Variants in WHRN observed in about 807,000 individuals in gnomAD.
The protein encoded by WHRN is CASK-interacting protein CIP98.
Under a neutral mutation model 68.3 loss-of-function variants are expected in WHRN, and 41 were observed. The observed-to-expected ratio is 0.60, with a 90% CI of 0.47 to 0.78. The LOEUF (loss-of-function observed/expected upper bound fraction) is 0.78. Among genes scored for constraint, WHRN ranks in the 30% least tolerant of loss-of-function variants. The pLI, the probability that WHRN is intolerant of heterozygous loss-of-function variation, is 0.00. For missense variants in WHRN, 1,243 were observed against 1,244.7 expected (o/e 1.00, Z 0.02); for synonymous variants, 560 against 561.3 (o/e 1.00, Z 0.03).
intron 3 of WHRN, among the ~76,000 whole-genome samples, chr9:114,451,383 C>T (rs1243402609): frequency 1.3e-5 from 2 of 152,138 alleles, no homozygotes; most frequent in Non-Finnish European, 1.5e-5. Context: ...GTGAAATAGG[C>T]ATGATGAAAC....
At chr9:114,499,216 G>A (rs1843716914) in intron 1 of WHRN, among the ~76,000 whole-genome samples, 3 of 152,156 alleles carry the variant, frequency 2.0e-5, no homozygotes, top group Admixed American at 2.0e-4. Flanking sequence ...AAAAAGAATG[G>A]AGAGAAAGTG....
intron 1 of WHRN, among the ~76,000 whole-genome samples, chr9:114,489,141 A>C (rs539502693): frequency 6.6e-6 from 1 of 152,276 alleles, no homozygotes; most frequent in African/African-American, 2.4e-5. Context: ...TTACTTATGC[A>C]AATGATTATT....
chr9:114,440,907 C>T (rs898654866), intron 3 of WHRN, among the ~76,000 whole-genome samples: 1 of 152,132 alleles, frequency 6.6e-6, no homozygotes, highest in Non-Finnish European at 1.5e-5. Context: ...ACCATAGGAT[C>T]CCTATGAAGT....
chr9:114,490,353 T>C (rs562113769), intron 1 of WHRN, among the ~76,000 whole-genome samples: 8 of 152,310 alleles, frequency 5.3e-5, no homozygotes, highest in East Asian at 1.9e-4. Context: ...CAGAGAAATG[T>C]ATGATGTCCA....
chr9:114,413,945 A>C (rs1305347273), intron 7 of WHRN, among the ~76,000 whole-genome samples: 1 of 145,182 alleles, frequency 6.9e-6, no homozygotes, highest in Non-Finnish European at 1.6e-5. Context: ...TAAGAAAAGG[A>C]CGTCAGTGGA....
chr9:114,429,924 A>T (rs1837261033), intron 3 of WHRN, among the ~76,000 whole-genome samples: 2 of 152,120 alleles, frequency 1.3e-5, no homozygotes, highest in Non-Finnish European at 2.9e-5. Context: ...TCCATCTCTC[A>T]TCTCTGCTGG....
intron 7 of WHRN, among the ~76,000 whole-genome samples, chr9:114,422,239 A>G (rs1466736043): frequency 6.6e-6 from 1 of 152,220 alleles, no homozygotes; most frequent in Admixed American, 6.5e-5. Flanking sequence ...CGCCTGCTTA[A>G]GAAACATTAC....
At chr9:114,447,396 T>C (rs1483895705) in intron 3 of WHRN, among the ~76,000 whole-genome samples, 1 of 152,128 alleles carries the variant, frequency 6.6e-6, no homozygotes, top group Admixed American at 6.5e-5. Flanking sequence ...TACCACAGGG[T>C]TGCTGTGAGG....
chr9:114,462,502 G>A (rs1840328101), intron 3 of WHRN, among the ~76,000 whole-genome samples: 1 of 152,188 alleles, frequency 6.6e-6, no homozygotes, highest in South Asian at 2.1e-4. Context: ...CAGGGCTCCA[G>A]TCCTTCCCTG....
Position 114,412,101 on chromosome 9 carries a change from G to C in WHRN, c.1627-4083C>G, listed in dbSNP as rs377246593. Reference sequence around the variant, plus strand: ...TCCAGCCCTGTCAGGGAGGCCTGAAGTGGAGCAAATGGCAGACGGGTCGGA... The same window carrying C: ...TCCAGCCCTGTCAGGGAGGCCTGAACTGGAGCAAATGGCAGACGGGTCGGA... On this transcript the variant is annotated intron_variant, in intron 7 of 11. Coordinates refer to ENST00000362057, the MANE Select transcript of WHRN (RefSeq NM_015404.4). Among the ~76,000 whole-genome samples, 13 of 152,344 alleles carry C rather than the reference G, an allele frequency of 8.5e-5. No individual in the cohort carries two copies. The East Asian group carries it at 1.4e-3, about 16-fold the overall frequency.
intron 3 of WHRN, among the ~76,000 whole-genome samples, chr9:114,438,188 CTG>C (rs1838033936): frequency 6.6e-6 from 1 of 152,008 alleles, no homozygotes; most frequent in Non-Finnish European, 1.5e-5. Context: ...TGAGTCGAGA[CTG>C]TGCCACAGCA....
At chr9:114,498,592 A>T (rs1843659015) in intron 1 of WHRN, among the ~76,000 whole-genome samples, 1 of 152,126 alleles carries the variant, frequency 6.6e-6, no homozygotes, top group Non-Finnish European at 1.5e-5. Flanking sequence ...CTCTCCCTTG[A>T]TATGTAGGTC....
At chr9:114,492,673 T>C (rs1287650016) in intron 1 of WHRN, among the ~76,000 whole-genome samples, 1 of 152,190 alleles carries the variant, frequency 6.6e-6, no homozygotes, top group Non-Finnish European at 1.5e-5. Flanking sequence ...GGCGTTTTTC[T>C]GAAGTTTTCA....
chr9:114,456,826 CAAA>C lies in WHRN; in HGVS notation c.963+9438_963+9440del, dbSNP rs58142457. On this transcript the variant is annotated intron_variant, in intron 3 of 11. Transcript: ENST00000362057. ...CCTGGGTGACAGAGCAAGACTATCT[CAAA>C]AAAAAAAAAAAAAGTATATGGATTA... Among the ~76,000 whole-genome samples the C allele has an allele frequency of 3.1e-3, 435 of 141,204 alleles. 1 individual carries two copies. The highest frequency in any genetic ancestry group is 3.7e-3 in the Non-Finnish European group (243 of 65,582). 92.6% of individuals were successfully genotyped at this position (141,204 alleles called of 152,430 possible). A position where few individuals can be genotyped will look rare whatever the true frequency, so the allele number is the denominator to read the frequency against.
chr9:114,492,210 G>A (rs1843043532), intron 1 of WHRN, among the ~76,000 whole-genome samples: 1 of 152,000 alleles, frequency 6.6e-6, no homozygotes, highest in Non-Finnish European at 1.5e-5. Flanking sequence ...TCCGTCCCAG[G>A]GGCAGTCTGG....
intron 1 of WHRN, among the ~76,000 whole-genome samples, chr9:114,484,094 T>C (rs1427811503): frequency 1.3e-5 from 2 of 152,172 alleles, no homozygotes; most frequent in Non-Finnish European, 2.9e-5. Flanking sequence ...CCACAGGGTT[T>C]AAGAAAACAC....
intron 3 of WHRN, among the ~76,000 whole-genome samples, chr9:114,446,505 T>C (rs1838831303): frequency 6.6e-6 from 1 of 152,180 alleles, no homozygotes; most frequent in Non-Finnish European, 1.5e-5. Flanking sequence ...AGCATATGAA[T>C]TGTATCTCAA....
chr9:114,437,499 C>CA (rs1384222540), intron 3 of WHRN, among the ~76,000 whole-genome samples: 2 of 152,178 alleles, frequency 1.3e-5, no homozygotes, highest in African/African-American at 4.8e-5. Flanking sequence ...TGTCCCCCCC[C>CA]AAATTCCTAC....
chr9:114,481,416 A>G (rs1292607055), intron 1 of WHRN, among the ~76,000 whole-genome samples: 1 of 152,236 alleles, frequency 6.6e-6, no homozygotes, highest in Non-Finnish European at 1.5e-5. Context: ...CCCTGGCAGA[A>G]CAGTCAGGAA....
Sources: gnomAD v4.1 joint callset for allele counts (sites outside exome capture counted in the v4.1 genomes callset) on GRCh38, gnomAD v4.1.1 for gene constraint, MANE v1.5 for transcripts, NCBI Gene and HGNC (gene_info 2026-07-23, HGNC 2026-07-21) for gene names.